The following EDIL3 variants were observed in gnomAD, a reference collection of about 807,000 sequenced individuals.
EDIL3 encodes EGF like and discoidin domains 3.
In EDIL3, 37 loss-of-function variants were observed where a neutral mutation model predicts 67.4. That is an observed-to-expected ratio of 0.55 (90% CI 0.42 to 0.72). EDIL3 has a LOEUF of 0.72. Among genes scored for constraint, EDIL3 ranks in the 30% least tolerant of loss-of-function variants. The pLI, the probability that EDIL3 is intolerant of heterozygous loss-of-function variation, is 0.00. For synonymous variants in EDIL3, 195 were observed against 196.3 expected (o/e 0.99, Z 0.05); for missense variants, 527 against 586.3 (o/e 0.90, Z 1.04).
intron 4 of EDIL3, among the ~76,000 whole-genome samples, chr5:84,164,238 G>A (rs896643979): frequency 3.3e-5 from 5 of 152,074 alleles, no homozygotes; most frequent in Non-Finnish European, 5.9e-5. Context: ...GAATAGGAAC[G>A]TAGACTAGGA....
chr5:84,333,275 T>C (rs945785317), intron 1 of EDIL3, among the ~76,000 whole-genome samples: 23 of 152,220 alleles, frequency 1.5e-4, no homozygotes, highest in African/African-American at 5.3e-4. Flanking sequence ...CATAAGAACA[T>C]TGAACTTTGT....
At chr5:84,240,508 G>C (rs1249927861) in intron 2 of EDIL3, among the ~76,000 whole-genome samples, 1 of 152,160 alleles carries the variant, frequency 6.6e-6, no homozygotes, top group Admixed American at 6.5e-5. Flanking sequence ...AACAGGAAAT[G>C]AGCCTGAGCC....
At chr5:84,029,759 A>G (rs550336783) in intron 9 of EDIL3, among the ~76,000 whole-genome samples, 2 of 152,316 alleles carry the variant, frequency 1.3e-5, no homozygotes, top group East Asian at 3.9e-4. Flanking sequence ...AGAGGCAGGG[A>G]CATCCTCACA....
At chr5:84,344,090 A>G (rs1180525221) in intron 1 of EDIL3, among the ~76,000 whole-genome samples, 1 of 152,124 alleles carries the variant, frequency 6.6e-6, no homozygotes, top group Non-Finnish European at 1.5e-5. Flanking sequence ...ATGGTAGCAG[A>G]GGTTCTGTAG....
intron 9 of EDIL3, among the ~76,000 whole-genome samples, chr5:83,989,936 G>A (rs1489911842): frequency 6.6e-6 from 1 of 152,098 alleles, no homozygotes; most frequent in African/African-American, 2.4e-5. Context: ...GCATCCAGCT[G>A]GCAACTAGCA....
intron 9 of EDIL3, among the ~76,000 whole-genome samples, chr5:83,973,937 G>T (rs924449961): frequency 6.6e-6 from 1 of 151,986 alleles, no homozygotes; most frequent in African/African-American, 2.4e-5. Flanking sequence ...GCATAACTAA[G>T]TATTAGGAGG....
chr5:84,158,607 C>T (rs1321467461), intron 4 of EDIL3, among the ~76,000 whole-genome samples: 1 of 151,938 alleles, frequency 6.6e-6, no homozygotes, highest in Admixed American at 6.6e-5. Context: ...CTAGTACTAC[C>T]TTATTATAAA....
intron 2 of EDIL3, among the ~76,000 whole-genome samples, chr5:84,242,526 T>C (rs1163696950): frequency 6.6e-6 from 1 of 151,970 alleles, no homozygotes; most frequent in African/African-American, 2.4e-5. Flanking sequence ...GGCTAGGTGC[T>C]GTGGCTCATG....
intron 1 of EDIL3, among the ~76,000 whole-genome samples, chr5:84,348,407 C>T (rs1047535537): frequency 6.6e-6 from 1 of 152,046 alleles, no homozygotes; most frequent in Non-Finnish European, 1.5e-5. Context: ...AACAGAGGGC[C>T]TGCTGTATCC....
At chr5:84,052,379 T>C (rs1312318872) in intron 9 of EDIL3, among the ~76,000 whole-genome samples, 1 of 152,056 alleles carries the variant, frequency 6.6e-6, no homozygotes, top group Admixed American at 6.6e-5. Flanking sequence ...AGACCATCAA[T>C]GCTAGGAAGA....
At chr5:84,282,892 C>T (rs1745732581) in intron 1 of EDIL3, among the ~76,000 whole-genome samples, 1 of 152,084 alleles carries the variant, frequency 6.6e-6, no homozygotes. Flanking sequence ...TATTCAGTAA[C>T]TGTTATTTCT....
chr5:83,960,389 C>A (rs1249050582), intron 10 of EDIL3, among the ~76,000 whole-genome samples: 2 of 150,904 alleles, frequency 1.3e-5, no homozygotes, highest in Admixed American at 6.6e-5. Context: ...TCTATTTTTT[C>A]TTAACAATAA....
At chr5:84,321,512 G>A (rs184309079) in intron 1 of EDIL3, among the ~76,000 whole-genome samples, 3 of 152,206 alleles carry the variant, frequency 2.0e-5, no homozygotes, top group East Asian at 1.9e-4. Flanking sequence ...TCTATGAAAG[G>A]CTTGCAAATT....
intron 10 of EDIL3, among the ~76,000 whole-genome samples, chr5:83,958,125 A>G (rs1031091957): frequency 6.6e-6 from 1 of 151,684 alleles, no homozygotes; most frequent in Non-Finnish European, 1.5e-5. Flanking sequence ...CTAAAGAATA[A>G]TAATAAATTC....
intron 8 of EDIL3, among the ~76,000 whole-genome samples, chr5:84,062,187 C>A (rs548111890): frequency 3.1e-4 from 47 of 152,130 alleles, no homozygotes; most frequent in African/African-American, 1.1e-3. Context: ...AAAGTCATAA[C>A]AATTCTCTAA....
intron 2 of EDIL3, among the ~76,000 whole-genome samples, chr5:84,241,892 G>A (rs898487254): frequency 6.6e-6 from 1 of 151,928 alleles, no homozygotes; most frequent in African/African-American, 2.4e-5. Flanking sequence ...GCCAGACACT[G>A]TTTTAAGATC....
At chr5:84,193,271 G>T (rs1381405159) in intron 3 of EDIL3, among the ~76,000 whole-genome samples, 2 of 151,864 alleles carry the variant, frequency 1.3e-5, no homozygotes. Flanking sequence ...GTGATAGGAC[G>T]CCTGGATTAG....
chr5:84,188,507 T>C (rs1172907824), intron 3 of EDIL3, among the ~76,000 whole-genome samples: 1 of 152,020 alleles, frequency 6.6e-6, no homozygotes, highest in African/African-American at 2.4e-5. Context: ...CGTCTTCATC[T>C]TTAGATCCTT....
chr5:84,232,092 G>GT (rs1292521476), intron 2 of EDIL3, among the ~76,000 whole-genome samples: 2 of 152,114 alleles, frequency 1.3e-5, no homozygotes, highest in African/African-American at 4.8e-5. Flanking sequence ...GTGCCTTATT[G>GT]TATCACAAAG....
Sources: allele counts gnomAD v4.1 joint callset (sites outside exome capture counted in the v4.1 genomes callset), GRCh38; gene constraint gnomAD v4.1.1; transcripts MANE v1.5; gene names NCBI Gene and HGNC (gene_info 2026-07-23, HGNC 2026-07-21).